FBXL7: variants seen among roughly 807,000 people sequenced by gnomAD.
FBXL7 encodes F-box and leucine rich repeat protein 7, also known as F-box/LRR-repeat protein 7.
In FBXL7, 12 loss-of-function variants were observed where a neutral mutation model predicts 38.3. The observed-to-expected ratio is 0.31, with a 90% confidence interval of 0.20 to 0.51. The LOEUF (loss-of-function observed/expected upper bound fraction) is 0.51, where lower values mean the gene tolerates loss of function less well. FBXL7 is among the 20% of genes least tolerant of loss of function. The pLI is 0.98. For missense variants in FBXL7, 567 were observed against 676.4 expected (o/e 0.84, Z 1.79); for synonymous variants, 297 against 300.9 (o/e 0.99, Z 0.13).
intron 2 of FBXL7, among the ~76,000 whole-genome samples, chr5:15,785,426 A>G (rs1046600861): frequency 1.3e-5 from 2 of 152,150 alleles, no homozygotes; most frequent in Admixed American, 6.5e-5. Context: ...TTCAGCAACA[A>G]CTGGGTCACC....
At chr5:15,736,964 A>G (rs986074423) in intron 2 of FBXL7, among the ~76,000 whole-genome samples, 2 of 152,166 alleles carry the variant, frequency 1.3e-5, no homozygotes, top group African/African-American at 4.8e-5. Context: ...TGTGCCTTCT[A>G]TGGGCTAACT....
chr5:15,655,317 GA>G (rs1741838598), intron 2 of FBXL7, among the ~76,000 whole-genome samples: 5 of 152,152 alleles, frequency 3.3e-5, no homozygotes, highest in Admixed American at 2.6e-4. Flanking sequence ...CCAGTATGGT[GA>G]AACCCTGTGT....
At chr5:15,665,630 T>G (rs1742248788) in intron 2 of FBXL7, among the ~76,000 whole-genome samples, 1 of 152,220 alleles carries the variant, frequency 6.6e-6, no homozygotes, top group Admixed American at 6.5e-5. Context: ...ACGATTTGTT[T>G]ATAGCCCATT....
chr5:15,745,636 T>A (rs1342936794), intron 2 of FBXL7, among the ~76,000 whole-genome samples: 2 of 152,112 alleles, frequency 1.3e-5, no homozygotes, highest in Admixed American at 1.3e-4. Flanking sequence ...AAAAAAACAT[T>A]TCAGGCAGAA....
intron 2 of FBXL7, among the ~76,000 whole-genome samples, chr5:15,867,988 C>T (rs1477622401): frequency 6.6e-6 from 1 of 151,838 alleles, no homozygotes; most frequent in Non-Finnish European, 1.5e-5. Flanking sequence ...CCTGTAGTCT[C>T]AGCTACTTAG....
chr5:15,690,820 G>A (rs1743158900), intron 2 of FBXL7, among the ~76,000 whole-genome samples: 1 of 152,162 alleles, frequency 6.6e-6, no homozygotes, highest in Non-Finnish European at 1.5e-5. Flanking sequence ...GGGACAGATT[G>A]GTAGGTCAAC....
At chr5:15,801,462 T>G (rs779115619) in intron 2 of FBXL7, among the ~76,000 whole-genome samples, 6 of 152,224 alleles carry the variant, frequency 3.9e-5, no homozygotes, top group African/African-American at 7.2e-5. Context: ...GCTTTCATTT[T>G]GACAAGAAAA....
intron 1 of FBXL7, among the ~76,000 whole-genome samples, chr5:15,562,512 A>C (rs1453260872): frequency 6.6e-6 from 1 of 152,158 alleles, no homozygotes; most frequent in Non-Finnish European, 1.5e-5. Flanking sequence ...AAAGGTGCTC[A>C]ATATCATGAT....
At chr5:15,567,452 G>A (rs1738618806) in intron 1 of FBXL7, among the ~76,000 whole-genome samples, 1 of 151,986 alleles carries the variant, frequency 6.6e-6, no homozygotes, top group Admixed American at 6.6e-5. Flanking sequence ...TCTTCACAGT[G>A]AAACAGTGTG....
chr5:15,850,551 A>G (rs1561151541), intron 2 of FBXL7, among the ~76,000 whole-genome samples: 1 of 152,162 alleles, frequency 6.6e-6, no homozygotes, highest in Non-Finnish European at 1.5e-5. Flanking sequence ...TAAAATTTAG[A>G]TGTTTGTTAT....
At chr5:15,510,980 C>T (rs2126355932) in intron 1 of FBXL7, among the ~76,000 whole-genome samples, 1 of 152,266 alleles carries the variant, frequency 6.6e-6, no homozygotes, top group Middle Eastern at 3.4e-3. Context: ...GCCGGATTTC[C>T]CCGTGTTTGC....
intron 2 of FBXL7, among the ~76,000 whole-genome samples, chr5:15,824,939 A>T (rs1402157861): frequency 6.6e-6 from 1 of 152,240 alleles, no homozygotes; most frequent in Admixed American, 6.5e-5. Context: ...CAAAATGCAC[A>T]AGCAGTGTCA....
At chr5:15,626,539 G>T (rs1382521071) in intron 2 of FBXL7, among the ~76,000 whole-genome samples, 1 of 103,944 alleles carries the variant, frequency 9.6e-6, no homozygotes, top group Non-Finnish European at 2.0e-5. Context: ...AAGAAAATTC[G>T]TTTCCTGTGT....
chr5:15,740,900 A>G (rs1735878389), intron 2 of FBXL7, among the ~76,000 whole-genome samples: 1 of 152,232 alleles, frequency 6.6e-6, no homozygotes, highest in African/African-American at 2.4e-5. Flanking sequence ...AACAAAGAGA[A>G]GAACACAATC....
At chr5:15,696,353 T>C (rs1412547951) in intron 2 of FBXL7, among the ~76,000 whole-genome samples, 1 of 152,218 alleles carries the variant, frequency 6.6e-6, no homozygotes, top group Non-Finnish European at 1.5e-5. Context: ...ACACCTTGGC[T>C]TCAGGGAAAG....
chr5:15,560,394 G>GATT, intron 1 of FBXL7, among the ~76,000 whole-genome samples: 1 of 152,282 alleles, frequency 6.6e-6, no homozygotes, highest in Non-Finnish European at 1.5e-5. Context: ...AGTGATGCTT[G>GATT]GAAACCAGTT....
At chr5:15,658,957 C>T (rs1483437921) in intron 2 of FBXL7, among the ~76,000 whole-genome samples, 2 of 152,072 alleles carry the variant, frequency 1.3e-5, no homozygotes, top group South Asian at 2.1e-4. Flanking sequence ...GTGGTTTCCT[C>T]CCCTACCTTC....
intron 2 of FBXL7, among the ~76,000 whole-genome samples, chr5:15,622,868 C>T (rs930110752): frequency 6.6e-6 from 1 of 152,058 alleles, no homozygotes; most frequent in African/African-American, 2.4e-5. Flanking sequence ...CCATGCCCGG[C>T]TAATTTTTGT....
At chr5:15,564,477 T>C (rs1455778064) in intron 1 of FBXL7, among the ~76,000 whole-genome samples, 1 of 151,394 alleles carries the variant, frequency 6.6e-6, no homozygotes. Flanking sequence ...ACAGTAAAAC[T>C]AAATGGCAGT....
Sources: gnomAD v4.1 joint callset for allele counts (sites outside exome capture counted in the v4.1 genomes callset) on GRCh38, gnomAD v4.1.1 for gene constraint, MANE v1.5 for transcripts, NCBI Gene and HGNC (gene_info 2026-07-23, HGNC 2026-07-21) for gene names.